SPICE1: variants seen among roughly 807,000 people sequenced by gnomAD.
SPICE1 encodes spindle and centriole-associated protein 1.
SPICE1 carries 75 observed loss-of-function variants against 102.7 expected under a neutral mutation model. The ratio of observed to expected loss-of-function variants is 0.73; its 90% CI spans 0.61 to 0.88. SPICE1 has a LOEUF of 0.88. SPICE1 is among the 40% of genes least tolerant of loss of function. SPICE1 has a pLI of 0.00. For synonymous variants in SPICE1, 308 were observed against 350.3 expected (o/e 0.88, Z 1.35); for missense variants, 979 against 1,020.1 (o/e 0.96, Z 0.55).
In SPICE1 at chr3:113,469,172, C is replaced by A; in HGVS notation, c.678G>T (p.Gln226His). 2 of 1,613,370 alleles carry A rather than the reference C, an allele frequency of 1.2e-6. No individual in the cohort carries two copies. Among genetic ancestry groups the A allele is most frequent in the South Asian group, 2.2e-5 (2 of 91,014 alleles). The change falls in exon 8 of 18, where the codon CAG (glutamine) becomes CAT (histidine). Residue 226 changes from glutamine (Q) to histidine (H), a missense_variant. Coordinates refer to ENST00000295872, the MANE Select transcript of SPICE1 (RefSeq NM_144718.4). ...TTATTTGTGACTGGGTTGCTATTTT[C>A]TGCTGAATGTCAGTCCACAACTTAC... ...LISKLWTDIQ[Q>H]KIATQSQITP...
chr3:113,457,081 T>G, intron 13 of SPICE1, 55 bp downstream of exon 13: 1 of 1,525,770 alleles, frequency 6.6e-7, no homozygotes, highest in Non-Finnish European at 9.0e-7. Context: ...AGTAATACAT[T>G]GCACAAATGA....
intron 7 of SPICE1, among the ~76,000 whole-genome samples, chr3:113,470,333 G>A (rs559935911): frequency 3.6e-4 from 55 of 152,272 alleles, no homozygotes; most frequent in African/African-American, 1.3e-3. Context: ...GAGTGTGGCT[G>A]AATAACCTTT....
intron 7 of SPICE1, among the ~76,000 whole-genome samples, chr3:113,471,859 T>A (rs139117447): frequency 6.6e-6 from 1 of 151,766 alleles, no homozygotes; most frequent in South Asian, 2.1e-4. Flanking sequence ...CCAGCGTGAG[T>A]GACACAGAAG....
rs1937295200 is a variant in SPICE1 at position 113,514,978 on chromosome 3, G to GAC, written c.-84_-83dup. On this transcript the variant is annotated 5_prime_UTR_variant, in exon 1 of 18. Coordinates refer to ENST00000295872, the MANE Select transcript of SPICE1 (RefSeq NM_144718.4). The stretch of plus-strand genomic sequence containing the variant: ...CCGGGCGCCTGGATCCCAGGCAACA[G>GAC]ACAGATGCCACCACCGTTCTCCCCA... The GAC allele has an allele frequency of 3.5e-6, 2 of 568,142 alleles. No individual in the cohort carries two copies. The highest frequency in any genetic ancestry group is 4.0e-5 in the African/African-American group (2 of 50,116). The allele number at this position is 568,142 out of a possible 1,614,324, so 35.2% of individuals were successfully genotyped here.
At chr3:113,454,029 C>T (rs1935723599) in intron 13 of SPICE1, 79 bp from the exon 14 acceptor site, 7 of 1,306,144 alleles carry the variant, frequency 5.4e-6, no homozygotes, top group Non-Finnish European at 7.2e-6. Flanking sequence ...ATTAGCCCAC[C>T]ATGGTAGTTA....
chr3:113,460,877 CAAAG>C, intron 11 of SPICE1, 113 bp from the exon 12 acceptor site: 34 of 890,770 alleles, frequency 3.8e-5, no homozygotes, highest in Non-Finnish European at 5.2e-5. Flanking sequence ...CAATACATAT[CAAAG>C]GATATGTATG....
chr3:113,487,426 A>G (rs1936673809), intron 7 of SPICE1, among the ~76,000 whole-genome samples: 1 of 152,170 alleles, frequency 6.6e-6, no homozygotes, highest in Non-Finnish European at 1.5e-5. Flanking sequence ...ACATATGACT[A>G]TAGGTATATA....
chr3:113,468,648 T>A, intron 9 of SPICE1, 114 bp downstream of exon 9: 1 of 1,295,032 alleles, frequency 7.7e-7, no homozygotes, highest in Non-Finnish European at 1.1e-6. Context: ...TCAATAAACT[T>A]TCAGTTGGAA....
At chr3:113,497,556 G>A (rs1029152482) in intron 4 of SPICE1, among the ~76,000 whole-genome samples, 3 of 151,992 alleles carry the variant, frequency 2.0e-5, no homozygotes, top group African/African-American at 7.3e-5. Flanking sequence ...CTCAACCCCT[G>A]CAGCACATTC....
Position 113,514,789 on chromosome 3 carries a change from C to T in SPICE1, c.-1+108G>A, listed in dbSNP as rs192651495. The T allele has an allele frequency of 2.9e-4, 377 of 1,285,120 alleles. 4 individuals carry two copies. Among genetic ancestry groups the T allele is most frequent in the Non-Finnish European group, 5.0e-5 (49 of 987,178 alleles). 79.6% of individuals were successfully genotyped at this position (1,285,120 alleles called of 1,614,324 possible). A position where few individuals can be genotyped will look rare whatever the true frequency, so the allele number is the denominator to read the frequency against. On this transcript the variant is annotated intron_variant, in intron 1 of 17. Transcript: ENST00000295872. ...CCCCCAACGCTACAATCGAGCACCC[C>T]CAATTACCAGCTCTGTGCAAAAGCT...
intron 11 of SPICE1, among the ~76,000 whole-genome samples, chr3:113,461,115 C>A (rs1935924004): frequency 1.3e-5 from 2 of 152,128 alleles, no homozygotes; most frequent in African/African-American, 4.8e-5. Flanking sequence ...AACTCTTAAA[C>A]TACCCCCAAG....
chr3:113,502,697 CAT>C (rs1937033688), intron 3 of SPICE1, among the ~76,000 whole-genome samples: 1 of 71,000 alleles, frequency 1.4e-5, no homozygotes, highest in East Asian at 3.9e-4. Context: ...TAAGTGGAAA[CAT>C]AAAAAAAAAA....
intron 1 of SPICE1, among the ~76,000 whole-genome samples, chr3:113,507,564 T>C (rs1937137154): frequency 6.6e-6 from 1 of 151,972 alleles, no homozygotes; most frequent in African/African-American, 2.4e-5. Context: ...CCCTCAATCT[T>C]CCTTGCACTC....
intron 7 of SPICE1, among the ~76,000 whole-genome samples, chr3:113,483,587 G>C (rs1353902183): frequency 6.6e-6 from 1 of 152,090 alleles, no homozygotes; most frequent in Non-Finnish European, 1.5e-5. Context: ...TTAGCATGAA[G>C]GGGTGTTGAA....
At chr3:113,494,002 T>G (rs1936818683) in intron 5 of SPICE1, 47 bp downstream of exon 5, 2 of 1,277,298 alleles carry the variant, frequency 1.6e-6, no homozygotes, top group Non-Finnish European at 2.2e-6. Context: ...TAGTCAACTG[T>G]GGGCTACAGT....
In SPICE1 at chr3:113,503,180, C is replaced by A; in HGVS notation, c.147G>T (p.Leu49=). ...LTVHRATPED[L]VRRHEIHKSK... ...ACTTAAGTTTTGATATTAAACTCAC[C>A]AGATCTTCGGGAGTTGCCCGATGAA... Residue 49 remains leucine, a splice_region_variant and synonymous_variant, in exon 3 of 18, where the codon CTG becomes CTT. Transcript: ENST00000295872. 1 of 1,606,206 alleles carries A rather than the reference C, an allele frequency of 6.2e-7. No homozygotes were observed. The highest frequency in any genetic ancestry group is 8.5e-7 in the Non-Finnish European group (1 of 1,177,258).
chr3:113,496,066 T>C (rs1462758736), intron 4 of SPICE1, among the ~76,000 whole-genome samples: 1 of 149,010 alleles, frequency 6.7e-6, no homozygotes, highest in Non-Finnish European at 1.5e-5. Context: ...CAACTTTTTT[T>C]TTTTTTTTTT....
chr3:113,509,813 T>A (rs1937183730), intron 1 of SPICE1, among the ~76,000 whole-genome samples: 1 of 152,158 alleles, frequency 6.6e-6, no homozygotes, highest in Non-Finnish European at 1.5e-5. Context: ...GGGGAGCAGT[T>A]TCCCTCTTGC....
chr3:113,485,681 G>A (rs939825375), intron 7 of SPICE1, among the ~76,000 whole-genome samples: 3 of 152,156 alleles, frequency 2.0e-5, no homozygotes, highest in Non-Finnish European at 4.4e-5. Flanking sequence ...TATGCCTGAC[G>A]GCTCTGAAGA....
Sources: allele counts gnomAD v4.1 joint callset (sites outside exome capture counted in the v4.1 genomes callset), GRCh38; gene constraint gnomAD v4.1.1; transcripts MANE v1.5; gene names NCBI Gene and HGNC (gene_info 2026-07-23, HGNC 2026-07-21).